ROS1: variants seen among roughly 807,000 people sequenced by gnomAD.
ROS1 encodes the protein proto-oncogene tyrosine-protein kinase ROS.
A neutral mutation model predicts 273.5 loss-of-function variants in ROS1; 263 were observed. That is an observed-to-expected ratio of 0.96 (90% CI 0.87 to 1.06). The LOEUF (loss-of-function observed/expected upper bound fraction) is 1.06. Among genes scored for constraint, ROS1 ranks in the 50% least tolerant of loss-of-function variants. The pLI is 0.00. For synonymous variants in ROS1, 1,008 were observed against 954.1 expected (o/e 1.06, Z -1.04); for missense variants, 2,833 against 2,751.1 (o/e 1.03, Z -0.67).
chr6:117,419,559 G>C (rs1016261374), intron 1 of ROS1, among the ~76,000 whole-genome samples: 9 of 152,288 alleles, frequency 5.9e-5, no homozygotes, highest in Non-Finnish European at 1.3e-4. Flanking sequence ...AATTCTATCT[G>C]TTAGATGAAT....
intron 5 of ROS1, among the ~76,000 whole-genome samples, chr6:117,406,322 G>A (rs7772046): frequency 0.53 from 80,782 of 151,358 alleles, 22,186 homozygotes; most frequent in African/African-American, 0.67. Flanking sequence ...GGTATCTAAA[G>A]TGAACATAGC....
intron 34 of ROS1, 62 bp downstream of exon 34, chr6:117,326,162 C>T (rs1454272184): frequency 4.0e-6 from 3 of 754,788 alleles, no homozygotes; most frequent in African/African-American, 4.1e-5. Flanking sequence ...TAAGAATGTA[C>T]TGATATTTAT....
At chr6:117,301,280 T>C in intron 42 of ROS1, 143 bp from the exon 43 acceptor site, 1 of 645,702 alleles carries the variant, frequency 1.5e-6, no homozygotes, top group Non-Finnish European at 2.5e-6. Context: ...AACAAAGGCT[T>C]TGATTTCTTA....
intron 33 of ROS1, among the ~76,000 whole-genome samples, chr6:117,328,249 T>C (rs1776789517): frequency 6.6e-6 from 1 of 152,198 alleles, no homozygotes; most frequent in African/African-American, 2.4e-5. Flanking sequence ...TCCTATAGTC[T>C]ATGTCCTGAC....
chr6:117,318,199 T>A lies in ROS1; in HGVS notation c.5976A>T (p.Ala1992=). 6.2e-7 allele frequency: 1 copy of A among 1,612,614 alleles called. No homozygotes were observed. The highest frequency in any genetic ancestry group is 2.2e-5 in the East Asian group (1 of 44,818). Residue 1992 remains alanine, a synonymous_variant, in exon 38 of 44, where the codon GCA becomes GCT. Coordinates refer to ENST00000368507, the MANE Select transcript of ROS1 (RefSeq NM_001378902.1). ...TATTTCAGAGCTACCTCATCAGATG[T>A]GCCTCCTTCAGGAATTCAATCTTCT... ...DQEKIEFLKE[A]HLMSKFNHPN...
intron 18 of ROS1, among the ~76,000 whole-genome samples, chr6:117,373,602 C>T (rs1049536669): frequency 3.3e-5 from 5 of 152,240 alleles, no homozygotes; most frequent in African/African-American, 1.2e-4. Flanking sequence ...CAAGCCCGCA[C>T]CCACCCAGAA....
intron 18 of ROS1, among the ~76,000 whole-genome samples, chr6:117,369,283 A>C (rs965358049): frequency 3.3e-5 from 5 of 152,216 alleles, no homozygotes; most frequent in Non-Finnish European, 7.3e-5. Context: ...ACTTGAAATG[A>C]GGAAATACAT....
intron 23 of ROS1, 42 bp downstream of exon 23, chr6:117,360,292 ACACACACG>A (rs1036314608): frequency 9.5e-6 from 13 of 1,366,682 alleles, no homozygotes; most frequent in Non-Finnish European, 1.3e-5. Context: ...ACACACACAC[ACACACACG>A]CCTCTAAATT....
intron 12 of ROS1, 71 bp downstream of exon 12, chr6:117,393,153 A>T: frequency 1.1e-6 from 1 of 915,280 alleles, no homozygotes; most frequent in Non-Finnish European, 1.8e-6. Flanking sequence ...ATGTTTCATT[A>T]GCAAGCAAGT....
chr6:117,333,560 C>T (rs1777251912), intron 32 of ROS1, among the ~76,000 whole-genome samples: 1 of 152,152 alleles, frequency 6.6e-6, no homozygotes. Context: ...GGCCAATATA[C>T]CTGATGAACA....
chr6:117,374,099 T>C (rs1327998958), intron 18 of ROS1, among the ~76,000 whole-genome samples: 1 of 152,134 alleles, frequency 6.6e-6, no homozygotes, highest in Non-Finnish European at 1.5e-5. Context: ...TAATTCCCAT[T>C]GAAATACCAG....
intron 22 of ROS1, among the ~76,000 whole-genome samples, chr6:117,360,827 T>C (rs1460490017): frequency 2.6e-5 from 4 of 152,156 alleles, no homozygotes; most frequent in Non-Finnish European, 4.4e-5. Flanking sequence ...GTCATTATTT[T>C]CAAAATTAAG....
At chr6:117,309,993 TTAAAAAAGCAA>T in intron 41 of ROS1, 77 bp downstream of exon 41, 1 of 1,196,890 alleles carries the variant, frequency 8.4e-7, no homozygotes, top group Non-Finnish European at 1.2e-6. Context: ...TTTTCTCACA[TTAAAAAAGCAA>T]GATTAGATGT....
intron 17 of ROS1, among the ~76,000 whole-genome samples, chr6:117,380,345 C>CA (rs1212135187): frequency 6.6e-6 from 1 of 152,050 alleles, no homozygotes; most frequent in Non-Finnish European, 1.5e-5. Context: ...TACATGACGA[C>CA]AAAAACCCTT....
intron 27 of ROS1, among the ~76,000 whole-genome samples, chr6:117,350,972 C>T (rs1417617933): frequency 6.6e-6 from 1 of 152,164 alleles, no homozygotes; most frequent in African/African-American, 2.4e-5. Context: ...TCTAACATCC[C>T]TGCCATATTT....
rs9489124 is a variant in ROS1 at position 117,321,332 on chromosome 6, C to T, written c.5686G>A (p.Glu1896Lys). ...AKEGVTVLIN[E>K]DKELAELRGL... ...CGCAGCTCAGCCAACTCTTTGTCTT[C>T]GTTTATAAGCACTGTCACCCCTTCC... Residue 1896 changes from glutamate to lysine, a missense_variant, in exon 36 of 44, where the codon GAA becomes AAA. Glu to Lys is a moderately conservative substitution (Grantham distance 56). Transcript: ENST00000368507. The T allele has an allele frequency of 4.0e-3, 6,497 of 1,613,670 alleles. 90 individuals carry two copies. The highest frequency in any genetic ancestry group is 0.034 in the East Asian group (1,520 of 44,848).
At chr6:117,342,251 A>G (rs1777993116) in intron 29 of ROS1, 149 bp downstream of exon 29, 1 of 723,574 alleles carries the variant, frequency 1.4e-6, no homozygotes, top group African/African-American at 1.8e-5. Flanking sequence ...GTCAGGTCAA[A>G]GTTTTCTACA....
At chr6:117,330,819 C>T (rs1777027680) in intron 32 of ROS1, among the ~76,000 whole-genome samples, 1 of 152,076 alleles carries the variant, frequency 6.6e-6, no homozygotes, top group South Asian at 2.1e-4. Context: ...AGGGCCCCCA[C>T]AAAAAACCCA....
intron 26 of ROS1, among the ~76,000 whole-genome samples, chr6:117,355,945 T>A (rs986183396): frequency 1.3e-5 from 2 of 152,194 alleles, no homozygotes. Context: ...AATAACCACA[T>A]GTGGCTAGTG....
Sources: allele counts gnomAD v4.1 joint callset (sites outside exome capture counted in the v4.1 genomes callset), GRCh38; gene constraint gnomAD v4.1.1; transcripts MANE v1.5; gene names NCBI Gene and HGNC (gene_info 2026-07-23, HGNC 2026-07-21).